EVL: variants seen among roughly 807,000 people sequenced by gnomAD.
The protein encoded by EVL is Enah/Vasp-like.
A neutral mutation model predicts 59.6 loss-of-function variants in EVL; 21 were observed. The ratio of observed to expected loss-of-function variants is 0.35; its 90% CI spans 0.25 to 0.51. EVL has a LOEUF of 0.51. Ranked by LOEUF, EVL falls within the 20% of genes least tolerant of loss-of-function variation. The pLI, the probability that EVL is intolerant of heterozygous loss-of-function variation, is 0.97. For synonymous variants in EVL, 198 were observed against 203.5 expected (o/e 0.97, Z 0.23); for missense variants, 462 against 546.6 (o/e 0.85, Z 1.54).
chr14:100,003,497 A>G (rs1392652139), intron 1 of EVL, among the ~76,000 whole-genome samples: 1 of 152,004 alleles, frequency 6.6e-6, no homozygotes, highest in East Asian at 1.9e-4. Flanking sequence ...GCTCACTGCA[A>G]CCTCTGCTTC....
Position 100,129,679 on chromosome 14 carries a change from C to G in EVL, c.834C>G (p.Ala278=), listed in dbSNP as rs1237897402. 3 of 1,571,926 alleles carry G rather than the reference C, an allele frequency of 1.9e-6. No homozygotes were observed. The East Asian group carries it at 7.0e-5, about 37-fold the overall frequency. The stretch of plus-strand genomic sequence containing the variant: ...TGGAGGAAATGAACAAACTGCTGGC[C>G]AAGAGGTGGGTCTCTACACCTCCCG... ...GLMEEMNKLL[A]KRRKAASQSD... The change falls in exon 7 of 14, where the codon GCC becomes GCG. Residue 278 remains alanine (A), a synonymous_variant. Transcript: ENST00000392920.
chr14:100,032,286 A>G (rs1444129396), intron 1 of EVL, among the ~76,000 whole-genome samples: 1 of 152,230 alleles, frequency 6.6e-6, no homozygotes, highest in Non-Finnish European at 1.5e-5. Flanking sequence ...GTGAAGGAAT[A>G]GAGATTCCTA....
intron 1 of EVL, among the ~76,000 whole-genome samples, chr14:99,981,850 G>T (rs2060808865): frequency 6.6e-6 from 1 of 152,146 alleles, no homozygotes; most frequent in South Asian, 2.1e-4. Flanking sequence ...ACCTTCAATT[G>T]GTAAAAAACG....
chr14:100,012,368 C>T (rs1275957286), intron 1 of EVL, among the ~76,000 whole-genome samples: 4 of 152,100 alleles, frequency 2.6e-5, no homozygotes. Context: ...GGCAGGTGCT[C>T]AGTATATATT....
At chr14:100,063,788 C>T (rs916420328), upstream of EVL, among the ~76,000 whole-genome samples, 1 of 152,168 alleles carries the variant, frequency 6.6e-6, no homozygotes, top group African/African-American at 2.4e-5. Flanking sequence ...GCTACATCCG[C>T]CAAGGTAGAC....
chr14:99,985,400 T>C (rs76804603), intron 1 of EVL, among the ~76,000 whole-genome samples: 11,781 of 152,082 alleles, frequency 0.077, 936 homozygotes, highest in African/African-American at 0.2. Context: ...CTTGAACTGG[T>C]CTTTCTTCCA....
At chr14:100,081,513 C>CAAAA (rs34871876) in intron 1 of EVL, among the ~76,000 whole-genome samples, 1 of 122,426 alleles carries the variant, frequency 8.2e-6, no homozygotes, top group Non-Finnish European at 1.7e-5. Flanking sequence ...TTAACAACAG[C>CAAAA]AAAAAAAAAA....
intron 1 of EVL, among the ~76,000 whole-genome samples, chr14:100,041,306 G>T (rs975725129): frequency 1.3e-5 from 2 of 152,118 alleles, no homozygotes; most frequent in African/African-American, 4.8e-5. Context: ...ATGTGAGGTG[G>T]GCTTGGATGC....
intron 2 of EVL, among the ~76,000 whole-genome samples, chr14:100,086,825 A>G (rs954484708): frequency 1.3e-5 from 2 of 152,252 alleles, no homozygotes; most frequent in Admixed American, 1.3e-4. Flanking sequence ...GAGACAGGCT[A>G]TCAGACAGGA....
At chr14:100,143,078 C>T (rs967316302) in intron 13 of EVL, among the ~76,000 whole-genome samples, 14 of 152,072 alleles carry the variant, frequency 9.2e-5, no homozygotes, top group Non-Finnish European at 1.6e-4. Flanking sequence ...AGGGGGAGTC[C>T]GGGAGGGGAT....
intron 2 of EVL, among the ~76,000 whole-genome samples, chr14:100,092,836 A>C (rs1187633086): frequency 1.3e-5 from 2 of 152,226 alleles, no homozygotes; most frequent in Non-Finnish European, 2.9e-5. Flanking sequence ...CCAGAAACAA[A>C]AGAGTACATA....
chr14:100,135,977 G>A lies in EVL; in HGVS notation c.964+9G>A. ...GCCACCTAACTCCTCAGGTGAGAGG[G>A]CGCCCCCCGCTGACCCCAGTGAGGC... On this transcript the variant is annotated intron_variant, in intron 9 of 13. Transcript: ENST00000392920. The A allele has an allele frequency of 6.2e-7, 1 of 1,613,322 alleles. No homozygotes were observed. The highest frequency in any genetic ancestry group is 8.5e-7 in the Non-Finnish European group (1 of 1,179,984).
At chr14:100,118,197 G>A (rs554352648) in intron 3 of EVL, among the ~76,000 whole-genome samples, 5 of 152,258 alleles carry the variant, frequency 3.3e-5, no homozygotes, top group African/African-American at 7.2e-5. Flanking sequence ...CTGACCGCCC[G>A]AGTCTCAGCA....
At chr14:100,140,334 G>A (rs1301088580) in intron 11 of EVL, 1 of 152,154 alleles carries the variant, frequency 6.6e-6, no homozygotes, top group Non-Finnish European at 1.5e-5. Flanking sequence ...AAACCAGCCA[G>A]GTGCAGGGGC....
chr14:100,071,074 A>G (rs2062039500), intron 1 of EVL, among the ~76,000 whole-genome samples: 1 of 152,148 alleles, frequency 6.6e-6, no homozygotes, highest in Non-Finnish European at 1.5e-5. Flanking sequence ...TTCACAGAGT[A>G]ATGGAGACCA....
chr14:100,004,039 A>G (rs1327020696), intron 1 of EVL, among the ~76,000 whole-genome samples: 1 of 152,222 alleles, frequency 6.6e-6, no homozygotes, highest in Non-Finnish European at 1.5e-5. Context: ...GCCCGTCCTT[A>G]CTAAGAATAC....
At chr14:100,022,990 C>T (rs2061151302) in intron 1 of EVL, among the ~76,000 whole-genome samples, 1 of 152,170 alleles carries the variant, frequency 6.6e-6, no homozygotes, top group African/African-American at 2.4e-5. Context: ...GATGATCTCA[C>T]TCCACTGAGC....
intron 1 of EVL, among the ~76,000 whole-genome samples, chr14:100,079,379 A>G (rs529778812): frequency 7.2e-5 from 11 of 152,332 alleles, no homozygotes; most frequent in South Asian, 2.1e-4. Context: ...TTGTTTAACA[A>G]TTATTCATGT....
At chr14:100,057,371 G>T (rs187364170) in intron 1 of EVL, among the ~76,000 whole-genome samples, 1 of 152,296 alleles carries the variant, frequency 6.6e-6, no homozygotes, top group Non-Finnish European at 1.5e-5. Flanking sequence ...CCCCCTAAGA[G>T]ACTGCTCAGC....
Sources: allele counts gnomAD v4.1 joint callset (sites outside exome capture counted in the v4.1 genomes callset), GRCh38; gene constraint gnomAD v4.1.1; transcripts MANE v1.5; gene names NCBI Gene and HGNC (gene_info 2026-07-23, HGNC 2026-07-21).